The following CRISPLD1 variants were observed in gnomAD, a reference collection of about 807,000 sequenced individuals.
CRISPLD1 encodes the protein cysteine-rich secretory protein LCCL domain-containing 1.
CRISPLD1 carries 60 observed loss-of-function variants against 77.5 expected under a neutral mutation model. That is an observed-to-expected ratio of 0.77 (90% CI 0.63 to 0.96). The LOEUF is 0.96. Among genes scored for constraint, CRISPLD1 ranks in the 40% least tolerant of loss-of-function variants. The probability of loss-of-function intolerance (pLI) is 0.00; values close to 1 mark genes in which losing one functional copy is unlikely to be tolerated. For missense variants in CRISPLD1, 623 were observed against 615.8 expected, an observed-to-expected ratio of 1.01 and a Z score of -0.12; for synonymous variants, 195 against 200.1, an observed-to-expected ratio of 0.97 and a Z score of 0.22.
Position 75,020,073 on chromosome 8 carries a change from G to A in CRISPLD1, c.1238G>A (p.Cys413Tyr). The change falls in exon 12 of 15, where the codon TGC (cysteine) becomes TAC (tyrosine). Residue 413 changes from cysteine (C) to tyrosine (Y), a missense_variant. Coordinates refer to ENST00000262207, the MANE Select transcript of CRISPLD1 (RefSeq NM_031461.6). Reference protein sequence around the residue: ...LCPFHKPASHCPRVYCPRNCM... With the variant: ...LCPFHKPASHYPRVYCPRNCM... ...CCATTTCATAAGCCTGCTTCACATTGCCCAAGGTAAACCAGTGTACACATA... is the reference window on the plus strand; with the variant it reads ...CCATTTCATAAGCCTGCTTCACATTACCCAAGGTAAACCAGTGTACACATA... 1 of 1,613,836 alleles carries A rather than the reference G, an allele frequency of 6.2e-7. No individual in the cohort carries two copies. Among genetic ancestry groups the A allele is most frequent in the East Asian group, 2.2e-5 (1 of 44,852 alleles).
chr8:75,003,755 G>T (rs1812784190), intron 2 of CRISPLD1, among the ~76,000 whole-genome samples: 1 of 152,076 alleles, frequency 6.6e-6, no homozygotes, highest in Non-Finnish European at 1.5e-5. Context: ...AGTTAGGTAA[G>T]GTATGGCCAA....
chr8:75,028,406 A>G (rs1272313211), intron 13 of CRISPLD1, among the ~76,000 whole-genome samples: 2 of 152,176 alleles, frequency 1.3e-5, no homozygotes, highest in Non-Finnish European at 2.9e-5. Flanking sequence ...GAGATAAGAA[A>G]AGAACACACC....
intron 5 of CRISPLD1, 27 bp from the exon 6 acceptor site, chr8:75,014,785 T>TA (rs752109951): frequency 6.6e-7 from 1 of 1,508,052 alleles, no homozygotes; most frequent in Admixed American, 1.8e-5. Flanking sequence ...TAGACTACTT[T>TA]TTAATAGAGC....
intron 4 of CRISPLD1, 65 bp from the exon 5 acceptor site, chr8:75,013,922 C>T (rs1812980343): frequency 2.0e-6 from 2 of 1,022,338 alleles, no homozygotes; most frequent in Non-Finnish European, 3.1e-6. Flanking sequence ...GCATTTTTCT[C>T]TCAGAAGTGT....
At chr8:75,031,731 A>G (rs1258917368) in intron 14 of CRISPLD1, among the ~76,000 whole-genome samples, 3 of 152,158 alleles carry the variant, frequency 2.0e-5, no homozygotes, top group Non-Finnish European at 4.4e-5. Context: ...AAATTTTGTC[A>G]GACTTGGGCA....
chr8:74,993,346 C>T (rs1210508901), intron 2 of CRISPLD1, among the ~76,000 whole-genome samples: 3 of 152,132 alleles, frequency 2.0e-5, no homozygotes, highest in African/African-American at 7.2e-5. Flanking sequence ...ATAGTATCTG[C>T]ACATACCTAA....
chr8:75,009,453 A>C (rs1409464028), intron 2 of CRISPLD1, among the ~76,000 whole-genome samples: 1 of 152,016 alleles, frequency 6.6e-6, no homozygotes, highest in East Asian at 1.9e-4. Context: ...GGGGAATTCA[A>C]CTCCACCTTT....
At position 75,012,886 on chromosome 8, in the gene CRISPLD1, AT is replaced by A; in HGVS notation, c.378-3del. The A allele has an allele frequency of 6.2e-7, 1 of 1,603,550 alleles. No homozygotes were observed. Among genetic ancestry groups the A allele is most frequent in the Non-Finnish European group, 8.5e-7 (1 of 1,174,730 alleles). ...GCCCTCTGTGACTATTTTCTTTCTA[AT>A]AGATATAGGCCCCCGACGTTTCATG... On this transcript the variant is annotated splice_polypyrimidine_tract_variant and splice_region_variant and intron_variant, in intron 3 of 14. Coordinates refer to ENST00000262207, the MANE Select transcript of CRISPLD1 (RefSeq NM_031461.6).
At position 75,009,575 on chromosome 8, in the gene CRISPLD1, A is replaced by G. The variant is rs569324477; in HGVS notation, c.259-2858A>G. ...TTTCTGGCTGCTCTTTGAATATGAG[A>G]TTGATATATTAAAAAAAAAAAACCT... On this transcript the variant is annotated intron_variant, in intron 2 of 14. Coordinates refer to ENST00000262207, the MANE Select transcript of CRISPLD1 (RefSeq NM_031461.6). 7.4e-5 allele frequency among the ~76,000 whole-genome samples: 11 copies of G among 147,864 alleles called. No homozygotes were observed. In the South Asian group the frequency reaches 2.1e-3, roughly 28 times the overall value.
Position 75,031,620 on chromosome 8 carries a change from T to C in CRISPLD1, c.1452-571T>C, listed in dbSNP as rs549568505. Among the ~76,000 whole-genome samples the C allele has an allele frequency of 5.3e-5, 8 of 151,944 alleles. No individual in the cohort carries two copies. In the East Asian group the frequency reaches 5.8e-4, roughly 11 times the overall value. ...GTATTTTTTCATTTCAGTGAAGATA[T>C]TCTTAGGTCTTTCAGATTTGACCAT... is the stretch of plus-strand genomic sequence containing the variant. On this transcript the variant is annotated intron_variant, in intron 14 of 14. Coordinates refer to ENST00000262207, the MANE Select transcript of CRISPLD1 (RefSeq NM_031461.6).
chr8:75,017,375 G>T lies in CRISPLD1; in HGVS notation c.1052G>T (p.Gly351Val), dbSNP rs1362447788. ...IHYGIIDNDG[G>V]WVDITRQGRK... Reference sequence around the variant, plus strand: ...TATGGTATAATAGACAATGATGGTGGCTGGGTAGATATCACTAGACAAGGA... The same window carrying T: ...TATGGTATAATAGACAATGATGGTGTCTGGGTAGATATCACTAGACAAGGA... Residue 351 changes from glycine to valine, a missense_variant, in exon 10 of 15, where the codon GGC becomes GTC. Transcript: ENST00000262207. 6.2e-7 allele frequency: 1 copy of T among 1,610,688 alleles called. No homozygotes were observed. The highest frequency in any genetic ancestry group is 1.3e-5 in the African/African-American group (1 of 74,750).
rs1812985499 is a variant in CRISPLD1 at position 75,014,112 on chromosome 8, CA to C, written c.626+14del. ...GCAATTACTCCCCAAAGTGAGTAGACAAAACACTACGTTCAGATGTACATTT... is the reference window on the plus strand; with the variant it reads ...GCAATTACTCCCCAAAGTGAGTAGACAAACACTACGTTCAGATGTACATTT... On this transcript the variant is annotated intron_variant, in intron 5 of 14. Coordinates refer to ENST00000262207, the MANE Select transcript of CRISPLD1 (RefSeq NM_031461.6). 1.4e-6 allele frequency: 2 copies of C among 1,469,240 alleles called. No homozygotes were observed. Among genetic ancestry groups the C allele is most frequent in the African/African-American group, 2.8e-5 (2 of 71,974 alleles). The allele number at this position is 1,469,240 out of a possible 1,614,324, so 91.0% of individuals were successfully genotyped here. A position where few individuals can be genotyped will look rare whatever the true frequency, so the allele number is the denominator to read the frequency against.
At chr8:75,015,064 A>G (rs1813004962) in intron 6 of CRISPLD1, 152 bp downstream of exon 6, 4 of 438,270 alleles carry the variant, frequency 9.1e-6, no homozygotes, top group Non-Finnish European at 1.6e-5. Context: ...ATCTTTTACA[A>G]ATATTTATAT....
At chr8:75,022,750 G>A (rs1813160457) in intron 12 of CRISPLD1, among the ~76,000 whole-genome samples, 1 of 151,832 alleles carries the variant, frequency 6.6e-6, no homozygotes, top group Non-Finnish European at 1.5e-5. Context: ...GTCTATTCTG[G>A]AGAAAAAATG....
At chr8:75,016,494 A>G in intron 6 of CRISPLD1, 71 bp from the exon 7 acceptor site, 1 of 1,374,540 alleles carries the variant, frequency 7.3e-7, no homozygotes, top group East Asian at 2.3e-5. Flanking sequence ...GTATTAAAGT[A>G]TATTATTATT....
intron 2 of CRISPLD1, among the ~76,000 whole-genome samples, chr8:75,009,042 C>T (rs1292207576): frequency 2.0e-5 from 3 of 152,028 alleles, no homozygotes; most frequent in Non-Finnish European, 4.4e-5. Flanking sequence ...AAAACTGACA[C>T]CTAAGATTGT....
intron 2 of CRISPLD1, among the ~76,000 whole-genome samples, chr8:74,990,382 G>A (rs1431137432): frequency 6.6e-6 from 1 of 151,942 alleles, no homozygotes; most frequent in Non-Finnish European, 1.5e-5. Context: ...TGCCGTATGG[G>A]TTTTAAGATC....
At chr8:75,031,876 G>A (rs118016106) in intron 14 of CRISPLD1, among the ~76,000 whole-genome samples, 2,661 of 151,972 alleles carry the variant, frequency 0.018, 29 homozygotes, top group Admixed American at 0.026. Flanking sequence ...GAACTCTGCT[G>A]TATTAGAATG....
chr8:75,016,670 G>C lies in CRISPLD1; in HGVS notation c.833G>C (p.Ser278Thr). ...DTHVRTRSDDSSRNEVISAQQ... is the reference protein window; with the variant it reads ...DTHVRTRSDDTSRNEVISAQQ... Reference sequence around the variant, plus strand: ...CATGTCCGGACAAGATCAGATGATAGTAGCAGAAATGAAGTCATAAGCGCA... The same window carrying C: ...CATGTCCGGACAAGATCAGATGATACTAGCAGAAATGAAGTCATAAGCGCA... Residue 278 changes from serine (S) to threonine (T), a missense_variant, in exon 7 of 15, where the codon AGT becomes ACT. Coordinates refer to ENST00000262207, the MANE Select transcript of CRISPLD1 (RefSeq NM_031461.6). 1 of 1,613,204 alleles carries C rather than the reference G, an allele frequency of 6.2e-7. No homozygotes were observed. Among genetic ancestry groups the C allele is most frequent in the Non-Finnish European group, 8.5e-7 (1 of 1,179,414 alleles).
Sources: gnomAD v4.1 joint callset for allele counts (sites outside exome capture counted in the v4.1 genomes callset) on GRCh38, gnomAD v4.1.1 for gene constraint, MANE v1.5 for transcripts, NCBI Gene and HGNC (gene_info 2026-07-23, HGNC 2026-07-21) for gene names.